Variants in TMC4 observed in about 807,000 individuals in gnomAD.
TMC4 encodes the protein voltage-gated chloride channel TMC4.
In TMC4, 70 loss-of-function variants were observed where a neutral mutation model predicts 82.0. The observed-to-expected ratio is 0.85, with a 90% CI of 0.70 to 1.04. TMC4 has a LOEUF of 1.04. Among genes scored for constraint, TMC4 ranks in the 50% least tolerant of loss-of-function variants. The pLI is 0.00. For missense variants in TMC4, 879 were observed against 899.0 expected (o/e 0.98, Z 0.28); for synonymous variants, 446 against 406.0 (o/e 1.10, Z -1.18).
At position 54,162,770 on chromosome 19, in the gene TMC4, A is replaced by C. The variant is rs913821008; in HGVS notation, c.1405T>G (p.Cys469Gly). ...TCCTGGCCCAGGACAGTCTCCCAGCACTGAAGAAGGAAGAAATATATCAGA... is the reference window on the plus strand; with the variant it reads ...TCCTGGCCCAGGACAGTCTCCCAGCCCTGAAGAAGGAAGAAATATATCAGA... ...TCGYNYKQLP[C>G]WETVLGQEMY... Residue 469 changes from cysteine (C) to glycine (G), a missense_variant and splice_region_variant, in exon 10 of 15, where the codon TGC becomes GGC. Cys to Gly is a radical substitution (Grantham distance 159). Coordinates refer to ENST00000619895, the MANE Select transcript of TMC4 (RefSeq NM_144686.4). The C allele has an allele frequency of 1.5e-5, 24 of 1,613,556 alleles. No individual in the cohort carries two copies. The highest frequency in any genetic ancestry group is 2.7e-5 in the African/African-American group (2 of 74,908).
At chr19:54,167,632 G>A (rs2075736453) in intron 5 of TMC4, among the ~76,000 whole-genome samples, 1 of 147,350 alleles carries the variant, frequency 6.8e-6, no homozygotes, top group South Asian at 2.2e-4. Flanking sequence ...TTTTTTAGAT[G>A]GAGTTTCTCT....
rs2075784044 is a variant in TMC4, at chr19:54,168,829, TTTCTTTTCTTTTCTTTTC to T, written c.443-167_443-150del. On this transcript the variant is annotated intron_variant, in intron 3 of 14. Transcript: ENST00000619895. ...TTTCTTTTCTTTTCTTTTCTTTTCT[TTTCTTTTCTTTTCTTTTC>T]TTTTCTTTTCTTTTCTTTTCTTTTC... 4 of 134,584 alleles carry T rather than the reference TTTCTTTTCTTTTCTTTTC, an allele frequency of 3.0e-5. 1 individual carries two copies. Among genetic ancestry groups the T allele is most frequent in the Non-Finnish European group, 3.3e-5 (3 of 90,140 alleles). 8.3% of individuals were successfully genotyped at this position (134,584 alleles called of 1,614,324 possible).
At chr19:54,164,658 G>A (rs113570942) in intron 6 of TMC4, 57 bp from the exon 7 acceptor site, 86,476 of 1,600,472 alleles carry the variant, frequency 0.054, 2,919 homozygotes, top group South Asian at 0.13. Flanking sequence ...GGGCCTCCCG[G>A]TTCCCCAGGT....
Position 54,162,304 on chromosome 19 carries a change from C to A in TMC4, c.1503-19G>T. 7.1e-7 allele frequency: 1 copy of A among 1,409,028 alleles called. No individual in the cohort carries two copies. The highest frequency in any genetic ancestry group is 1.3e-5 in the South Asian group (1 of 78,092). The allele number at this position is 1,409,028 out of a possible 1,614,324, so 87.3% of individuals were successfully genotyped here. Reference sequence around the variant, plus strand: ...GAGGAGCCTGAAGGACGGGGCGGGGCCGGGCCGGAGTCAGGGGAGTGGCGG... The same window carrying A: ...GAGGAGCCTGAAGGACGGGGCGGGGACGGGCCGGAGTCAGGGGAGTGGCGG... On this transcript the variant is annotated intron_variant, in intron 10 of 14. Coordinates refer to ENST00000619895, the MANE Select transcript of TMC4 (RefSeq NM_144686.4).
rs115685298 is a variant in TMC4 at position 54,168,526 on chromosome 19, C to T, written c.597G>A (p.Ser199=). Residue 199 remains serine, a synonymous_variant, in exon 4 of 15, where the codon TCG becomes TCA. Coordinates refer to ENST00000619895, the MANE Select transcript of TMC4 (RefSeq NM_144686.4). ...PPGPPGPDIS[S]PCGSYNPHSQ... is the part of the protein sequence containing the mutation. ...AGTGGGGGTTATAGGAGCCGCAGGG[C>T]GAGGAGATGTCGGGGCCGGGAGGGC... 83 of 1,551,142 alleles carry T rather than the reference C, an allele frequency of 5.4e-5. 1 individual carries two copies. The East Asian group carries it at 1.1e-3, about 21-fold the overall frequency.
intron 10 of TMC4, 115 bp from the exon 11 acceptor site, chr19:54,162,400 G>GGGC (rs2075585052): frequency 6.3e-6 from 5 of 796,746 alleles, no homozygotes; most frequent in Non-Finnish European, 9.4e-6. Flanking sequence ...GGGGGGGGGG[G>GGGC]GGGCGGGACT....
Position 54,160,358 on chromosome 19 carries a change from A to T in TMC4, c.2069T>A (p.Val690Asp). 6.5e-7 allele frequency: 1 copy of T among 1,534,598 alleles called. No individual in the cohort carries two copies. The highest frequency in any genetic ancestry group is 8.8e-7 in the Non-Finnish European group (1 of 1,140,514). Residue 690 changes from valine to aspartate, a missense_variant, in exon 15 of 15, where the codon GTC becomes GAC. Coordinates refer to ENST00000619895, the MANE Select transcript of TMC4 (RefSeq NM_144686.4). ...RQRETEAQNK[V>D]FLARRAVALT... The stretch of plus-strand genomic sequence containing the variant: ...CGCCACAGCGCGCCGTGCCAGGAAG[A>T]CTTTATTCTGCGCCTCCTGGGGCAA...
rs528415312 is a variant in TMC4, at chr19:54,164,473, A to C, written c.1074T>G (p.Tyr358Ter). ...LVVALLGAAF[Y>*]GVYWATGCTV... ...TGCACCCCGTAGCCCAGTAGACGCCATAGAAGGCTGCCCCCAGGAGCGCGA... is the reference window on the plus strand; with the variant it reads ...TGCACCCCGTAGCCCAGTAGACGCCCTAGAAGGCTGCCCCCAGGAGCGCGA... The change falls in exon 7 of 15, where the codon TAT (tyrosine) becomes TAG (stop). Residue 358 changes from tyrosine to a stop codon, truncating the protein, a stop_gained. Transcript: ENST00000619895. LOFTEE classifies it high-confidence loss of function. 6.2e-7 allele frequency: 1 copy of C among 1,613,682 alleles called. No individual in the cohort carries two copies. Among genetic ancestry groups the C allele is most frequent in the East Asian group, 2.2e-5 (1 of 44,882 alleles).
rs746086062 is a variant in TMC4, at chr19:54,160,523, C to A, written c.1996G>T (p.Ala666Ser). ...AGGCGTCCGTAGGAGTTAGCCAGAG[C>A]CACAGTGTACGCCATCAGGATGCTG... ...ISSILMAYTV[A>S]LANSYGRLIS... The change falls in exon 14 of 15, where the codon GCT becomes TCT. Residue 666 changes from alanine (A) to serine (S), a missense_variant. By Grantham distance (99) the Ala-to-Ser change is moderately conservative. Transcript: ENST00000619895. 1.9e-6 allele frequency: 3 copies of A among 1,614,116 alleles called. No individual in the cohort carries two copies. Among genetic ancestry groups the A allele is most frequent in the African/African-American group, 1.3e-5 (1 of 75,032 alleles).
chr19:54,168,385 G>A (rs975339721), intron 4 of TMC4, 63 bp downstream of exon 4: 11 of 1,516,692 alleles, frequency 7.3e-6, no homozygotes, highest in Middle Eastern at 2.3e-4. Context: ...TTTGAGGTTC[G>A]TGTCATTGAA....
chr19:54,164,372 C>T (rs2075647381), intron 7 of TMC4, 62 bp downstream of exon 7: 1 of 1,545,128 alleles, frequency 6.5e-7, no homozygotes, highest in African/African-American at 1.4e-5. Flanking sequence ...CGTCCCCTCC[C>T]TCCACCGTTG....
rs2075773988 is a variant in TMC4 at position 54,168,785 on chromosome 19, T to TTTC, written c.443-108_443-106dup. ...GCCGCGCCTTCCTTTCTTTCTTTCTTTTCTTTTCTTTCTTTTCTTTTCTTT... is the reference window on the plus strand; with the variant it reads ...GCCGCGCCTTCCTTTCTTTCTTTCTTTTCTTCTTTTCTTTCTTTTCTTTTCTTT... On this transcript the variant is annotated intron_variant, in intron 3 of 14. Coordinates refer to ENST00000619895, the MANE Select transcript of TMC4 (RefSeq NM_144686.4). 58 of 265,704 alleles carry TTTC rather than the reference T, an allele frequency of 2.2e-4. 22 individuals carry two copies. The highest frequency in any genetic ancestry group is 2.5e-4 in the Non-Finnish European group (42 of 168,372). The allele number at this position is 265,704 out of a possible 1,614,324, so 16.5% of individuals were successfully genotyped here.
chr19:54,164,753 T>G lies in TMC4; in HGVS notation c.946-152A>C, dbSNP rs36653. The G allele has an allele frequency of 5.1e-6, 5 of 977,178 alleles. No homozygotes were observed. In the African/African-American group the frequency reaches 8.2e-5, roughly 16 times the overall value. The allele number at this position is 977,178 out of a possible 1,614,324, so 60.5% of individuals were successfully genotyped here. The stretch of plus-strand genomic sequence containing the variant: ...CAACCTCTGCAGTCCTGGTTCCACC[T>G]GCTCCAGGAAACCAGCGGCCCTTTA... On this transcript the variant is annotated intron_variant, in intron 6 of 14. Coordinates refer to ENST00000619895, the MANE Select transcript of TMC4 (RefSeq NM_144686.4).
chr19:54,168,548 G>T lies in TMC4; in HGVS notation c.575C>A (p.Pro192His). Residue 192 changes from proline (P) to histidine (H), a missense_variant, in exon 4 of 15, where the codon CCT (proline) becomes CAT (histidine). Coordinates refer to ENST00000619895, the MANE Select transcript of TMC4 (RefSeq NM_144686.4). ...GGGCGAGGAGATGTCGGGGCCGGGA[G>T]GGCCTGGGGGAGCGCCTCCCAACCA... ...PTWLGGAPPG[P>H]PGPDISSPCG... The T allele has an allele frequency of 6.4e-7, 1 of 1,565,450 alleles. No homozygotes were observed. The highest frequency in any genetic ancestry group is 8.7e-7 in the Non-Finnish European group (1 of 1,155,890).
Position 54,163,856 on chromosome 19 carries a change from A to G in TMC4, c.1145T>C (p.Leu382Pro). Reference sequence around the variant, plus strand: ...CGGAAGGTAATTCACCCCAAGCTTCAGCAGTGGCAACTCCTGGACAAGGGG... The same window carrying G: ...CGGAAGGTAATTCACCCCAAGCTTCGGCAGTGGCAACTCCTGGACAAGGGG... ...EMPLVQELPL[L>P]KLGVNYLPSI... The change falls in exon 8 of 15, where the codon CTG becomes CCG. Residue 382 changes from leucine (L) to proline (P), a missense_variant. Transcript: ENST00000619895. 6.2e-7 allele frequency: 1 copy of G among 1,614,110 alleles called. No individual in the cohort carries two copies. Among genetic ancestry groups the G allele is most frequent in the South Asian group, 1.1e-5 (1 of 91,076 alleles).
chr19:54,160,291 C>G lies in TMC4; in HGVS notation c.*15G>C, dbSNP rs782724260. On this transcript the variant is annotated 3_prime_UTR_variant, in exon 15 of 15. Coordinates refer to ENST00000619895, the MANE Select transcript of TMC4 (RefSeq NM_144686.4). ...ATGGGCCTGGGGTCTGAAAGCGGGACGTGGGCTGCGGGGGTCAAAGAGCCG... is the reference window on the plus strand; with the variant it reads ...ATGGGCCTGGGGTCTGAAAGCGGGAGGTGGGCTGCGGGGGTCAAAGAGCCG... The G allele has an allele frequency of 1.5e-5, 22 of 1,513,382 alleles. No homozygotes were observed. The highest frequency in any genetic ancestry group is 1.9e-5 in the Non-Finnish European group (21 of 1,131,958). 93.7% of individuals were successfully genotyped at this position (1,513,382 alleles called of 1,614,324 possible). A position where few individuals can be genotyped will look rare whatever the true frequency, so the allele number is the denominator to read the frequency against.
intron 1 of TMC4, 130 bp from the exon 2 acceptor site, chr19:54,172,213 C>G: frequency 2.0e-6 from 1 of 508,826 alleles, no homozygotes; most frequent in Non-Finnish European, 3.3e-6. Context: ...GCTCCTCCTC[C>G]CTCAGACCCA....
rs752306358 is a variant in TMC4, at chr19:54,164,452, C to A, written c.1095G>T (p.Gly365=). The A allele has an allele frequency of 6.2e-7, 1 of 1,613,500 alleles. No individual in the cohort carries two copies. Among genetic ancestry groups the A allele is most frequent in the South Asian group, 1.1e-5 (1 of 91,018 alleles). Residue 365 remains glycine (G), a synonymous_variant, in exon 7 of 15, where the codon GGG becomes GGT. Coordinates refer to ENST00000619895, the MANE Select transcript of TMC4 (RefSeq NM_144686.4). ...TCCGCACCTGCAGCTCCACGGTGCA[C>A]CCCGTAGCCCAGTAGACGCCATAGA... is the stretch of plus-strand genomic sequence containing the variant. ...AAFYGVYWAT[G]CTVELQEMPL...
At chr19:54,169,432 G>T (rs1459671291) in intron 3 of TMC4, 80 bp downstream of exon 3, 4 of 1,500,366 alleles carry the variant, frequency 2.7e-6, no homozygotes, top group Non-Finnish European at 2.7e-6. Context: ...TCAAACCCAG[G>T]AGTCCGTCCC....
Sources: gnomAD v4.1 joint callset for allele counts (sites outside exome capture counted in the v4.1 genomes callset) on GRCh38, gnomAD v4.1.1 for gene constraint, MANE v1.5 for transcripts, NCBI Gene and HGNC (gene_info 2026-07-23, HGNC 2026-07-21) for gene names.